RMDN3: variants seen among roughly 807,000 people sequenced by gnomAD.
RMDN3 encodes the protein regulator of microtubule dynamics 3.
A neutral mutation model predicts 61.8 loss-of-function variants in RMDN3; 41 were observed. The observed-to-expected ratio is 0.66, with a 90% CI of 0.52 to 0.86. The LOEUF (loss-of-function observed/expected upper bound fraction) is 0.86, where lower values mean the gene tolerates loss of function less well. Among genes scored for constraint, RMDN3 ranks in the 40% least tolerant of loss-of-function variants. The pLI, the probability that RMDN3 is intolerant of heterozygous loss-of-function variation, is 0.00. For synonymous variants in RMDN3, 247 were observed against 232.0 expected, an observed-to-expected ratio of 1.06 and a Z score of -0.59; for missense variants, 557 against 585.3, an observed-to-expected ratio of 0.95 and a Z score of 0.50.
At chr15:40,750,004 G>A (rs932405381) in intron 4 of RMDN3, among the ~76,000 whole-genome samples, 3 of 152,142 alleles carry the variant, frequency 2.0e-5, no homozygotes, top group Non-Finnish European at 2.9e-5. Flanking sequence ...ACCACGGACT[G>A]CGCATATCAG....
chr15:40,754,056 A>G (rs1897933370), intron 2 of RMDN3, among the ~76,000 whole-genome samples: 1 of 152,184 alleles, frequency 6.6e-6, no homozygotes, highest in Non-Finnish European at 1.5e-5. Context: ...ACTAAAAGTG[A>G]AAGTTAAACA....
At position 40,738,042 on chromosome 15, in the gene RMDN3, C is replaced by T. The variant is rs756123686; in HGVS notation, c.1048G>A (p.Glu350Lys). The T allele has an allele frequency of 9.9e-6, 16 of 1,614,004 alleles. No homozygotes were observed. The Admixed American group carries it at 2.2e-4, about 22-fold the overall frequency. ...AGAGCAATGGCTTTGTCCACATGCT[C>T]CTAAGGGGAAAATGTAAATATAAAC... ...RRIQSGFSFK[E>K]HVDKAIALQP... The change falls in exon 9 of 13, where the codon GAG (glutamate) becomes AAG (lysine). Residue 350 changes from glutamate (E) to lysine (K), a missense_variant and splice_region_variant. Glu to Lys is a moderately conservative substitution (Grantham distance 56). Coordinates refer to ENST00000338376, the MANE Select transcript of RMDN3 (RefSeq NM_018145.3).
At position 40,736,872 on chromosome 15, in the gene RMDN3, A is replaced by AGAT. The variant is rs545670709; in HGVS notation, c.1359+249_1359+251dup. Among the ~76,000 whole-genome samples, 32 of 151,874 alleles carry AGAT rather than the reference A, an allele frequency of 2.1e-4. 1 individual carries two copies. Among genetic ancestry groups the AGAT allele is most frequent in the Middle Eastern group, 3.4e-3 (1 of 294 alleles). Reference sequence around the variant, plus strand: ...GGCAGTTTTGTTTGGTTTTTTTTTGAGATGGAGTTTTGCTCTTGTTGCCGA... The same window carrying AGAT: ...GGCAGTTTTGTTTGGTTTTTTTTTGAGATGATGGAGTTTTGCTCTTGTTGCCGA... On this transcript the variant is annotated intron_variant, in intron 12 of 12. Transcript: ENST00000338376.
chr15:40,752,595 ATC>A (rs1566811733), intron 2 of RMDN3, among the ~76,000 whole-genome samples: 1 of 152,144 alleles, frequency 6.6e-6, no homozygotes, highest in Non-Finnish European at 1.5e-5. Flanking sequence ...TCAAATTCTG[ATC>A]TCTCACTTCA....
Position 40,736,529 on chromosome 15 carries a change from A to AG in RMDN3, c.*11dup. On this transcript the variant is annotated 3_prime_UTR_variant, in exon 13 of 13. Transcript: ENST00000338376. ...ATAGTGGCATCAAGTCATGAAGGCC[A>AG]GTGAAACGTGGTTAGTCTCGTAAAA... 6.2e-7 allele frequency: 1 copy of AG among 1,613,434 alleles called. No homozygotes were observed. The highest frequency in any genetic ancestry group is 1.1e-5 in the South Asian group (1 of 91,070).
At chr15:40,749,945 C>T (rs952730306) in intron 4 of RMDN3, among the ~76,000 whole-genome samples, 1 of 152,126 alleles carries the variant, frequency 6.6e-6, no homozygotes, top group African/African-American at 2.4e-5. Context: ...TTCTGGAGAC[C>T]CCGGAGCACT....
chr15:40,749,544 T>G (rs1157861116), intron 4 of RMDN3, among the ~76,000 whole-genome samples: 1 of 152,020 alleles, frequency 6.6e-6, no homozygotes, highest in Admixed American at 6.6e-5. Context: ...ACAAAAACAG[T>G]TGTGAAGGGC....
chr15:40,751,756 G>A, intron 3 of RMDN3, 187 bp from the exon 4 acceptor site: 1 of 913,608 alleles, frequency 1.1e-6, no homozygotes, highest in Non-Finnish European at 1.7e-6. Context: ...AGACAGACTA[G>A]GTTAGGCAAA....
intron 7 of RMDN3, chr15:40,738,834 A>G: frequency 1.9e-6 from 1 of 534,034 alleles, no homozygotes; most frequent in Non-Finnish European, 3.4e-6. Context: ...TCACCACAGT[A>G]AATCTCTCTT....
At chr15:40,740,422 G>C (rs1897235503) in intron 6 of RMDN3, among the ~76,000 whole-genome samples, 1 of 152,198 alleles carries the variant, frequency 6.6e-6, no homozygotes, top group Admixed American at 6.5e-5. Context: ...GAGGCGGGTA[G>C]AGCGCCTGAG....
In RMDN3 at chr15:40,737,298, T is replaced by A; in HGVS notation, c.1268A>T (p.Tyr423Phe). Residue 423 changes from tyrosine to phenylalanine, a missense_variant, in exon 11 of 13, where the codon TAT becomes TTT. By Grantham distance (22) the Tyr-to-Phe change is conservative (BLOSUM62 3). Coordinates refer to ENST00000338376, the MANE Select transcript of RMDN3 (RefSeq NM_018145.3). ...GACAAATGAGTTTACCTTGGAAATA[T>A]ATACCCTTCCTGCTTTGGAAAATCC... The part of the protein sequence containing the change: ...QPGFSKAGRV[Y>F]ISKCYRELGK... 6.2e-7 allele frequency: 1 copy of A among 1,614,042 alleles called. No homozygotes were observed. The highest frequency in any genetic ancestry group is 1.7e-5 in the Admixed American group (1 of 60,022).
intron 7 of RMDN3, 126 bp from the exon 8 acceptor site, chr15:40,738,702 C>A: frequency 1.2e-6 from 1 of 854,098 alleles, no homozygotes; most frequent in East Asian, 2.6e-5. Context: ...CTGAAAATAC[C>A]TAATTTTCAT....
chr15:40,750,301 C>T (rs1182041631), intron 4 of RMDN3, among the ~76,000 whole-genome samples: 1 of 146,592 alleles, frequency 6.8e-6, no homozygotes, highest in East Asian at 2.2e-4. Context: ...CTCACTGAAA[C>T]CTCTGCCTCC....
intron 2 of RMDN3, among the ~76,000 whole-genome samples, chr15:40,752,758 C>G (rs1211659684): frequency 6.6e-6 from 1 of 152,188 alleles, no homozygotes; most frequent in Non-Finnish European, 1.5e-5. Flanking sequence ...TCACTAAGCC[C>G]TGCTGACCCA....
chr15:40,748,469 C>T (rs966200904), intron 4 of RMDN3, among the ~76,000 whole-genome samples: 1 of 152,250 alleles, frequency 6.6e-6, no homozygotes, highest in African/African-American at 2.4e-5. Flanking sequence ...TTCCCCTTGC[C>T]CCATCACAGG....
Position 40,740,206 on chromosome 15 carries a change from G to A in RMDN3, c.911-13C>T, listed in dbSNP as rs1371856930. 1 of 1,597,816 alleles carries A rather than the reference G, an allele frequency of 6.3e-7. No individual in the cohort carries two copies. ...GCTTCTTCTTTTCCTGTAGGACGAA[G>A]GTAGATCCAGAGTTGACATAGCTCT... On this transcript the variant is annotated splice_polypyrimidine_tract_variant and intron_variant, in intron 6 of 12. Transcript: ENST00000338376.
At chr15:40,752,321 C>T (rs1395124582) in intron 2 of RMDN3, 143 bp from the exon 3 acceptor site, 2 of 814,616 alleles carry the variant, frequency 2.5e-6, no homozygotes, top group African/African-American at 3.5e-5. Flanking sequence ...ACAGCCAGGT[C>T]ATGGTAACAA....
At chr15:40,746,516 C>CAAA (rs756574720) in intron 4 of RMDN3, among the ~76,000 whole-genome samples, 28 of 85,806 alleles carry the variant, frequency 3.3e-4, no homozygotes, top group African/African-American at 1.1e-3. Flanking sequence ...GACTCCGTCT[C>CAAA]AAAAAAAAAA....
At chr15:40,747,623 T>G (rs1897628922) in intron 4 of RMDN3, 1 of 150,622 alleles carries the variant, frequency 6.6e-6, no homozygotes, top group African/African-American at 2.5e-5. Context: ...GTGACCCTTT[T>G]AACATACCCT....
Sources: allele counts gnomAD v4.1 joint callset (sites outside exome capture counted in the v4.1 genomes callset), GRCh38; gene constraint gnomAD v4.1.1; transcripts MANE v1.5; gene names NCBI Gene and HGNC (gene_info 2026-07-23, HGNC 2026-07-21).